The following TMEM200A variants were observed in gnomAD, a reference collection of about 807,000 sequenced individuals.
TMEM200A encodes transmembrane protein 200A, also known as two transmembrane C.
In TMEM200A, 12 loss-of-function variants were observed where a neutral mutation model predicts 24.3. The observed-to-expected ratio is 0.49, with a 90% CI of 0.32 to 0.80. TMEM200A has a LOEUF of 0.80. TMEM200A is among the 30% of genes least tolerant of loss of function. The pLI, the probability that TMEM200A is intolerant of heterozygous loss-of-function variation, is 0.04. For synonymous variants in TMEM200A, 224 were observed against 224.4 expected (o/e 1.00, Z 0.02); for missense variants, 545 against 614.4 (o/e 0.89, Z 1.19).
intron 2 of TMEM200A, among the ~76,000 whole-genome samples, chr6:130,398,849 T>C (rs1779016847): frequency 6.6e-6 from 1 of 152,036 alleles, no homozygotes; most frequent in African/African-American, 2.4e-5. Context: ...CTTATTGCTA[T>C]TTAGTGATTA....
At chr6:130,399,033 C>T (rs1032365523) in intron 2 of TMEM200A, among the ~76,000 whole-genome samples, 21 of 151,588 alleles carry the variant, frequency 1.4e-4, no homozygotes, top group Admixed American at 2.6e-4. Context: ...TTTTTTTCTC[C>T]GACTTCAATG....
At chr6:130,374,541 G>A (rs893320634) in intron 1 of TMEM200A, among the ~76,000 whole-genome samples, 5 of 151,558 alleles carry the variant, frequency 3.3e-5, no homozygotes, top group Admixed American at 6.6e-5. Flanking sequence ...TCAACCTCCC[G>A]AGTAGCTGGG....
At chr6:130,424,360 G>A (rs1468276969) in intron 2 of TMEM200A, among the ~76,000 whole-genome samples, 1 of 152,110 alleles carries the variant, frequency 6.6e-6, no homozygotes, top group African/African-American at 2.4e-5. Context: ...TATATATTGA[G>A]TTGCTAAAAA....
chr6:130,385,318 A>G (rs1194099838), intron 2 of TMEM200A, 82 bp downstream of exon 2: 3 of 152,154 alleles, frequency 2.0e-5, no homozygotes, highest in African/African-American at 7.2e-5. Context: ...TTTTTTTGTA[A>G]TGAGTTTATT....
chr6:130,402,381 G>A (rs944285626), intron 2 of TMEM200A, among the ~76,000 whole-genome samples: 1 of 152,034 alleles, frequency 6.6e-6, no homozygotes, highest in Non-Finnish European at 1.5e-5. Context: ...ACACTCAGTA[G>A]ATCTAAATTA....
chr6:130,399,430 T>C (rs1392835857), intron 2 of TMEM200A, among the ~76,000 whole-genome samples: 2 of 152,012 alleles, frequency 1.3e-5, no homozygotes, highest in Non-Finnish European at 2.9e-5. Context: ...TTTTAGCTAC[T>C]GTGTTTTCTA....
At chr6:130,388,137 T>G (rs1481044488) in intron 2 of TMEM200A, among the ~76,000 whole-genome samples, 1 of 152,040 alleles carries the variant, frequency 6.6e-6, no homozygotes, top group Non-Finnish European at 1.5e-5. Flanking sequence ...CCTGCATCGG[T>G]TTTAGAAATT....
At position 130,441,198 on chromosome 6, in the gene TMEM200A, C is replaced by T; in HGVS notation, c.776C>T (p.Pro259Leu). The T allele has an allele frequency of 6.2e-7, 1 of 1,614,074 alleles. No individual in the cohort carries two copies. The highest frequency in any genetic ancestry group is 2.2e-5 in the East Asian group (1 of 44,874). Residue 259 changes from proline (P) to leucine (L), a missense_variant, in exon 3 of 3, where the codon CCA (proline) becomes CTA (leucine). Physicochemically the swap from Pro to Leu is moderately conservative, Grantham distance 98 (BLOSUM62 -3). Coordinates refer to ENST00000296978, the MANE Select transcript of TMEM200A (RefSeq NM_001258277.2). ...TCTGTGTCTGTCTTTGGCCTCTATC[C>T]ACCTCCTTCCAAGACAACTGATGAT... is the stretch of plus-strand genomic sequence containing the variant. ...DSSVSVFGLY[P>L]PPSKTTDDKT...
intron 2 of TMEM200A, among the ~76,000 whole-genome samples, chr6:130,389,206 TA>T (rs1778779830): frequency 6.6e-6 from 1 of 152,200 alleles, no homozygotes; most frequent in African/African-American, 2.4e-5. Context: ...TTAGTATTGA[TA>T]AAAATACTAA....
At chr6:130,439,947 GTTT>G (rs1780112955) in intron 2 of TMEM200A, among the ~76,000 whole-genome samples, 1 of 151,998 alleles carries the variant, frequency 6.6e-6, no homozygotes, top group Admixed American at 6.6e-5. Context: ...TGGAGTGTTT[GTTT>G]TTGACCTATT....
At chr6:130,377,936 T>G (rs981073731) in intron 1 of TMEM200A, among the ~76,000 whole-genome samples, 1 of 152,122 alleles carries the variant, frequency 6.6e-6, no homozygotes. Context: ...GGTCTGACAT[T>G]TGAGCAGAGA....
rs1019232403 is a variant in TMEM200A at position 130,442,786 on chromosome 6, T to C, written c.*888T>C. On this transcript the variant is annotated 3_prime_UTR_variant, in exon 3 of 3. Coordinates refer to ENST00000296978, the MANE Select transcript of TMEM200A (RefSeq NM_001258277.2). ...TTTTTAGCCATCTGTTACTGTCCAA[T>C]AGCACCTCATTCCCACATTCTATTT... 2 of 167,058 alleles carry C rather than the reference T, an allele frequency of 1.2e-5. No homozygotes were observed. The highest frequency in any genetic ancestry group is 4.8e-5 in the African/African-American group (2 of 41,464). The allele number at this position is 167,058 out of a possible 1,614,324, so 10.3% of individuals were successfully genotyped here.
intron 2 of TMEM200A, among the ~76,000 whole-genome samples, chr6:130,417,908 T>C (rs1176551190): frequency 2.0e-5 from 3 of 152,198 alleles, no homozygotes; most frequent in Non-Finnish European, 2.9e-5. Context: ...CCAACTTCGC[T>C]TGCTCTTAAT....
chr6:130,384,968 C>G (rs748034664), intron 1 of TMEM200A, among the ~76,000 whole-genome samples: 1 of 152,206 alleles, frequency 6.6e-6, no homozygotes, highest in Non-Finnish European at 1.5e-5. Context: ...TTATCTCTAT[C>G]ATAGCATCTC....
intron 2 of TMEM200A, among the ~76,000 whole-genome samples, chr6:130,389,073 G>GA (rs1472033552): frequency 6.6e-6 from 1 of 152,094 alleles, no homozygotes; most frequent in African/African-American, 2.4e-5. Flanking sequence ...TATTGTCTTT[G>GA]ACTCTCAACA....
At chr6:130,368,414 C>A (rs1460851343) in intron 1 of TMEM200A, among the ~76,000 whole-genome samples, 1 of 152,174 alleles carries the variant, frequency 6.6e-6, no homozygotes, top group Non-Finnish European at 1.5e-5. Context: ...CCCTTGTAGT[C>A]ATACACGTTA....
At chr6:130,420,051 A>G (rs1406920114) in intron 2 of TMEM200A, among the ~76,000 whole-genome samples, 3 of 152,182 alleles carry the variant, frequency 2.0e-5, no homozygotes, top group Non-Finnish European at 4.4e-5. Context: ...TGGAGCCCTC[A>G]TGATCTAATC....
intron 1 of TMEM200A, among the ~76,000 whole-genome samples, chr6:130,377,816 G>A (rs1256462634): frequency 6.6e-6 from 1 of 152,146 alleles, no homozygotes; most frequent in Non-Finnish European, 1.5e-5. Flanking sequence ...GACAATACAT[G>A]TATAATTTGT....
intron 2 of TMEM200A, among the ~76,000 whole-genome samples, chr6:130,402,358 A>C (rs1035737055): frequency 6.6e-6 from 1 of 152,070 alleles, no homozygotes; most frequent in Non-Finnish European, 1.5e-5. Flanking sequence ...TGAGCAAAAA[A>C]TACAAAAGGT....
Sources: gnomAD v4.1 joint callset for allele counts (sites outside exome capture counted in the v4.1 genomes callset) on GRCh38, gnomAD v4.1.1 for gene constraint, MANE v1.5 for transcripts, NCBI Gene and HGNC (gene_info 2026-07-23, HGNC 2026-07-21) for gene names.